Variants in PTBP3 observed in about 807,000 individuals in gnomAD.
PTBP3 encodes the protein polypyrimidine tract-binding protein 3.
Under a neutral mutation model 58.7 loss-of-function variants are expected in PTBP3, and 20 were observed. The ratio of observed to expected loss-of-function variants is 0.34; its 90% CI spans 0.24 to 0.50. The LOEUF (loss-of-function observed/expected upper bound fraction) is 0.50, where lower values mean the gene tolerates loss of function less well. Ranked by LOEUF, PTBP3 falls within the 20% of genes least tolerant of loss-of-function variation. PTBP3 has a pLI of 0.98. For synonymous variants in PTBP3, 185 were observed against 219.8 expected, an observed-to-expected ratio of 0.84 and a Z score of 1.40; for missense variants, 509 against 637.2, an observed-to-expected ratio of 0.80 and a Z score of 2.17.
intron 2 of PTBP3, among the ~76,000 whole-genome samples, chr9:112,282,799 T>A (rs879905891): frequency 6.6e-6 from 1 of 152,186 alleles, no homozygotes; most frequent in Admixed American, 6.6e-5. Flanking sequence ...AGCCTGCCTA[T>A]CTTGGTGATA....
Position 112,223,779 on chromosome 9 carries a change from G to A in PTBP3, c.*72C>T. On this transcript the variant is annotated 3_prime_UTR_variant, in exon 14 of 14. Coordinates refer to ENST00000374257, the MANE Select transcript of PTBP3 (RefSeq NM_001163788.4). ...GTGAAAGAGGCAAAATTGGTCTTGAGCTGCTTCAGTCTATGTCTGAAGGTT... is the reference window on the plus strand; with the variant it reads ...GTGAAAGAGGCAAAATTGGTCTTGAACTGCTTCAGTCTATGTCTGAAGGTT... 1.3e-6 allele frequency: 2 copies of A among 1,595,844 alleles called. No homozygotes were observed. The highest frequency in any genetic ancestry group is 1.7e-6 in the Non-Finnish European group (2 of 1,170,812).
chr9:112,270,367 T>C (rs1461759677), intron 3 of PTBP3, among the ~76,000 whole-genome samples: 1 of 152,240 alleles, frequency 6.6e-6, no homozygotes, highest in Non-Finnish European at 1.5e-5. Flanking sequence ...TGCACACACA[T>C]ATCAACATGG....
At chr9:112,231,758 A>T (rs76847872) in intron 9 of PTBP3, among the ~76,000 whole-genome samples, 2 of 144,154 alleles carry the variant, frequency 1.4e-5, no homozygotes, top group East Asian at 4.0e-4. Flanking sequence ...AAAAAAAAAA[A>T]TTAGCCAGGC....
chr9:112,319,601 TG>T (rs1245592613), intron 1 of PTBP3, among the ~76,000 whole-genome samples: 1 of 152,228 alleles, frequency 6.6e-6, no homozygotes, highest in Non-Finnish European at 1.5e-5. Flanking sequence ...ACAGTCATTA[TG>T]GAAAACAGTA....
At chr9:112,327,583 A>G (rs1587898196) in intron 1 of PTBP3, among the ~76,000 whole-genome samples, 1 of 152,156 alleles carries the variant, frequency 6.6e-6, no homozygotes, top group Admixed American at 6.6e-5. Flanking sequence ...ATGAAGAAAT[A>G]GAACAAATTT....
At chr9:112,226,598 C>A (rs551913147) in intron 12 of PTBP3, among the ~76,000 whole-genome samples, 15 of 152,262 alleles carry the variant, frequency 9.9e-5, no homozygotes, top group African/African-American at 3.4e-4. Context: ...ACAGAGATAG[C>A]CAGATATTTT....
chr9:112,266,471 T>C (rs1407442144), intron 4 of PTBP3, among the ~76,000 whole-genome samples: 2 of 152,228 alleles, frequency 1.3e-5, no homozygotes, highest in Non-Finnish European at 2.9e-5. Context: ...ATGTACATGC[T>C]GTGTCCCAGC....
At chr9:112,373,178 G>A in the PTBP3 span, among the ~76,000 whole-genome samples, 1 of 152,102 alleles carries the variant, frequency 6.6e-6, no homozygotes, top group East Asian at 1.9e-4. Flanking sequence ...TTACAGGCAT[G>A]AGCCACCAGG....
chr9:112,361,341 T>C, the PTBP3 span, among the ~76,000 whole-genome samples: 1,287 of 152,202 alleles, frequency 8.5e-3, 26 homozygotes, highest in African/African-American at 0.03. Context: ...TCAGGTGATC[T>C]GCCCATCTCG....
At chr9:112,327,739 A>G (rs891264497) in intron 1 of PTBP3, among the ~76,000 whole-genome samples, 2 of 152,180 alleles carry the variant, frequency 1.3e-5, no homozygotes, top group African/African-American at 2.4e-5. Context: ...TGTCTTCAAG[A>G]AAATTCCAAT....
At chr9:112,288,122 G>C (rs945447128) in intron 2 of PTBP3, among the ~76,000 whole-genome samples, 4 of 152,198 alleles carry the variant, frequency 2.6e-5, no homozygotes, top group Non-Finnish European at 4.4e-5. Flanking sequence ...AGTTTCATTA[G>C]GGTAGATTTG....
the PTBP3 span, among the ~76,000 whole-genome samples, chr9:112,349,535 A>G: frequency 6.6e-6 from 1 of 151,780 alleles, no homozygotes; most frequent in Admixed American, 6.6e-5. Context: ...TGAACCCTTA[A>G]CCTGTGGAAT....
In PTBP3 at chr9:112,223,475, T is replaced by G; in HGVS notation, c.*376A>C. 1 of 915,294 alleles carries G rather than the reference T, an allele frequency of 1.1e-6. No homozygotes were observed. The highest frequency in any genetic ancestry group is 1.3e-6 in the Non-Finnish European group (1 of 763,202). The allele number at this position is 915,294 out of a possible 1,614,324, so 56.7% of individuals were successfully genotyped here. ...GTAATTTTAGAAGTCTGTGTTTAAA[T>G]TTTTTAAAAGTACAAATGAGTTTAG... On this transcript the variant is annotated 3_prime_UTR_variant, in exon 14 of 14. Coordinates refer to ENST00000374257, the MANE Select transcript of PTBP3 (RefSeq NM_001163788.4).
At chr9:112,226,035 C>A (rs1389183435) in intron 12 of PTBP3, among the ~76,000 whole-genome samples, 2 of 151,856 alleles carry the variant, frequency 1.3e-5, no homozygotes, top group South Asian at 2.1e-4. Flanking sequence ...CAGAGGGAGA[C>A]CCTGTCTCAA....
intron 1 of PTBP3, among the ~76,000 whole-genome samples, chr9:112,332,198 G>A (rs1830402982): frequency 6.6e-6 from 1 of 152,048 alleles, no homozygotes; most frequent in Non-Finnish European, 1.5e-5. Flanking sequence ...GAAATTTTTT[G>A]AAGCTTCAAT....
chr9:112,224,596 A>T (rs1397892549), intron 12 of PTBP3, among the ~76,000 whole-genome samples: 1 of 152,160 alleles, frequency 6.6e-6, no homozygotes, highest in African/African-American at 2.4e-5. Flanking sequence ...GGAGTTCCAT[A>T]TTTTCAACTG....
At chr9:112,305,733 G>T (rs1829162069) in intron 1 of PTBP3, among the ~76,000 whole-genome samples, 1 of 152,152 alleles carries the variant, frequency 6.6e-6, no homozygotes, top group Non-Finnish European at 1.5e-5. Context: ...GAGGTCAGGA[G>T]ATAGAGACCA....
chr9:112,241,693 T>C (rs1279735581), intron 7 of PTBP3, among the ~76,000 whole-genome samples: 1 of 152,176 alleles, frequency 6.6e-6, no homozygotes, highest in Non-Finnish European at 1.5e-5. Context: ...AACGTATCCC[T>C]GTGGTTAAGC....
chr9:112,223,745 GT>G lies in PTBP3; in HGVS notation c.*105del. On this transcript the variant is annotated 3_prime_UTR_variant, in exon 14 of 14. Transcript: ENST00000374257. The stretch of plus-strand genomic sequence containing the variant: ...AATATACTTGAATATCAAACTCAGA[GT>G]TATTTTTGTGAAAGAGGCAAAATTG... 1 of 1,016,154 alleles carries G rather than the reference GT, an allele frequency of 9.8e-7. No homozygotes were observed. Among genetic ancestry groups the G allele is most frequent in the Non-Finnish European group, 1.4e-6 (1 of 740,354 alleles). The allele number at this position is 1,016,154 out of a possible 1,614,324, so 62.9% of individuals were successfully genotyped here.
Sources: allele counts gnomAD v4.1 joint callset (sites outside exome capture counted in the v4.1 genomes callset), GRCh38; gene constraint gnomAD v4.1.1; transcripts MANE v1.5; gene names NCBI Gene and HGNC (gene_info 2026-07-23, HGNC 2026-07-21).